The following MBD5 variants were observed in gnomAD, a reference collection of about 807,000 sequenced individuals.
MBD5 encodes methyl-CpG binding domain protein 5.
MBD5 carries 13 observed loss-of-function variants against 117.3 expected under a neutral mutation model. That is an observed-to-expected ratio of 0.11 (90% CI 0.07 to 0.18). The LOEUF is 0.18. MBD5 is among the 10% of genes least tolerant of loss of function. MBD5 has a pLI of 1.00. For missense variants in MBD5, 1,879 were observed against 2,093.8 expected (o/e 0.90, Z 2.00); for synonymous variants, 727 against 766.4 (o/e 0.95, Z 0.85).
chr2:148,138,795 G>A (rs903352179), intron 1 of MBD5, among the ~76,000 whole-genome samples: 8 of 152,232 alleles, frequency 5.3e-5, no homozygotes, highest in African/African-American at 1.9e-4. Context: ...TCTGTCTGCT[G>A]AACTCCACAA....
chr2:148,276,661 G>A (rs372391321), intron 3 of MBD5, among the ~76,000 whole-genome samples: 49 of 152,138 alleles, frequency 3.2e-4, no homozygotes, highest in Non-Finnish European at 5.6e-4. Flanking sequence ...CAGTAATGTC[G>A]TTTTATAGCA....
At chr2:148,102,011 C>T (rs1014581863) in intron 1 of MBD5, among the ~76,000 whole-genome samples, 2 of 152,100 alleles carry the variant, frequency 1.3e-5, no homozygotes, top group Admixed American at 1.3e-4. Context: ...TATCTTAACC[C>T]ATCACTGACT....
At chr2:148,475,517 G>T (rs1280003955) in intron 8 of MBD5, among the ~76,000 whole-genome samples, 1 of 151,974 alleles carries the variant, frequency 6.6e-6, no homozygotes, top group Non-Finnish European at 1.5e-5. Context: ...GTAATCAAAG[G>T]TGATAACAGA....
chr2:148,326,875 CATT>C (rs2106607780), intron 3 of MBD5, among the ~76,000 whole-genome samples: 1 of 149,500 alleles, frequency 6.7e-6, no homozygotes, highest in Admixed American at 6.7e-5. Context: ...TTGATCCTGT[CATT>C]ATGATGTTAG....
At chr2:148,428,445 T>G (rs1230979493) in intron 4 of MBD5, among the ~76,000 whole-genome samples, 2 of 152,088 alleles carry the variant, frequency 1.3e-5, no homozygotes, top group Admixed American at 6.6e-5. Context: ...GATTCAATGT[T>G]ATCCCCATCA....
chr2:148,350,358 T>C (rs557390442), intron 4 of MBD5, among the ~76,000 whole-genome samples: 2 of 152,148 alleles, frequency 1.3e-5, no homozygotes, highest in African/African-American at 4.8e-5. Context: ...CAACAGTCAA[T>C]GTGTTCTGAG....
chr2:148,252,734 G>A (rs1222373876), intron 3 of MBD5, among the ~76,000 whole-genome samples: 2 of 152,090 alleles, frequency 1.3e-5, no homozygotes, highest in Non-Finnish European at 2.9e-5. Flanking sequence ...ATTTTTTGTA[G>A]AGACAGGGTC....
chr2:148,384,559 G>C (rs910938989), intron 4 of MBD5, among the ~76,000 whole-genome samples: 6 of 152,158 alleles, frequency 3.9e-5, no homozygotes, highest in African/African-American at 1.4e-4. Context: ...TAGATTCAAT[G>C]CCATCCCCAT....
At chr2:148,463,641 A>G in intron 6 of MBD5, 98 bp from the exon 7 acceptor site, 1 of 1,391,452 alleles carries the variant, frequency 7.2e-7, no homozygotes. Flanking sequence ...ATTCAGATTT[A>G]TGGCTTAATC....
At chr2:148,151,926 G>A (rs1287403100) in intron 1 of MBD5, among the ~76,000 whole-genome samples, 1 of 151,818 alleles carries the variant, frequency 6.6e-6, no homozygotes, top group Admixed American at 6.6e-5. Flanking sequence ...AGGGTTTTTT[G>A]TGTCTCTCTT....
At chr2:148,294,509 T>TTTTTTGTTTTTTTTTTTTGTTGTTTG (rs750245317) in intron 3 of MBD5, among the ~76,000 whole-genome samples, 2 of 129,984 alleles carry the variant, frequency 1.5e-5, no homozygotes, top group Non-Finnish European at 3.3e-5. Flanking sequence ...CAGTTTTTTT[T>TTTTTTGTTTTTTTTTTTTGTTGTTTG]TTTTTTTTTT....
intron 4 of MBD5, among the ~76,000 whole-genome samples, chr2:148,382,690 A>G (rs1409886996): frequency 6.6e-6 from 1 of 152,192 alleles, no homozygotes; most frequent in Non-Finnish European, 1.5e-5. Flanking sequence ...TCCAAAACTG[A>G]CCACATAGTT....
chr2:148,204,960 T>C (rs936551861), intron 2 of MBD5, among the ~76,000 whole-genome samples: 1 of 152,066 alleles, frequency 6.6e-6, no homozygotes, highest in Non-Finnish European at 1.5e-5. Flanking sequence ...TATATATAAA[T>C]ATAAATATAA....
At chr2:148,216,901 T>G (rs569692980) in intron 2 of MBD5, among the ~76,000 whole-genome samples, 63 of 152,292 alleles carry the variant, frequency 4.1e-4, no homozygotes, top group African/African-American at 1.5e-3. Flanking sequence ...CCAGAAGCTT[T>G]GGATGGTTCC....
chr2:148,404,942 T>C (rs1438316861), intron 4 of MBD5, among the ~76,000 whole-genome samples: 1 of 152,180 alleles, frequency 6.6e-6, no homozygotes, highest in African/African-American at 2.4e-5. Flanking sequence ...TTCATCCAAG[T>C]AAAAGTCTTT....
chr2:148,509,640 C>A (rs1186315844), intron 12 of MBD5, among the ~76,000 whole-genome samples: 3 of 152,320 alleles, frequency 2.0e-5, no homozygotes, highest in African/African-American at 7.2e-5. Flanking sequence ...TGGCCAGAGC[C>A]TGCAGTTCAG....
At chr2:148,091,644 T>C (rs907690190) in intron 1 of MBD5, among the ~76,000 whole-genome samples, 2 of 152,134 alleles carry the variant, frequency 1.3e-5, no homozygotes, top group Non-Finnish European at 2.9e-5. Flanking sequence ...TCTCACCTTA[T>C]ACAAAAATCC....
intron 1 of MBD5, among the ~76,000 whole-genome samples, chr2:148,107,293 C>T (rs1696395265): frequency 6.6e-6 from 1 of 151,910 alleles, no homozygotes; most frequent in African/African-American, 2.4e-5. Context: ...TGAATGTTTC[C>T]CTTTGAGATC....
rs1377829996 is a variant in MBD5 at position 148,149,467 on chromosome 2, G to A, written c.-924-29233G>A. ...TGGGTATATACCCAGTAATGGGATG[G>A]CTGGGTCAAATGGTATTTCTAGTTC... is the stretch of plus-strand genomic sequence containing the variant. On this transcript the variant is annotated intron_variant, in intron 1 of 13. Coordinates refer to ENST00000642680, the MANE Select transcript of MBD5 (RefSeq NM_001378120.1). Among the ~76,000 whole-genome samples, 4 of 147,156 alleles carry A rather than the reference G, an allele frequency of 2.7e-5. No homozygotes were observed. The South Asian group carries it at 9.1e-4, about 34-fold the overall frequency.
Sources: gnomAD v4.1 joint callset for allele counts (sites outside exome capture counted in the v4.1 genomes callset) on GRCh38, gnomAD v4.1.1 for gene constraint, MANE v1.5 for transcripts, NCBI Gene and HGNC (gene_info 2026-07-23, HGNC 2026-07-21) for gene names.